The following FMN2 variants were observed in gnomAD, a reference collection of about 807,000 sequenced individuals.
FMN2 encodes the protein formin-2.
A neutral mutation model predicts 142.3 loss-of-function variants in FMN2; 51 were observed. The observed-to-expected ratio is 0.36, with a 90% confidence interval of 0.29 to 0.45. FMN2 has a LOEUF of 0.45. Ranked by LOEUF, FMN2 falls within the 20% of genes least tolerant of loss-of-function variation. FMN2 has a pLI of 1.00. For missense variants in FMN2, 1,936 were observed against 2,122.8 expected (o/e 0.91, Z 1.73); for synonymous variants, 882 against 869.8 (o/e 1.01, Z -0.25).
At chr1:240,270,867 G>C (rs1668978866) in intron 7 of FMN2, among the ~76,000 whole-genome samples, 1 of 151,782 alleles carries the variant, frequency 6.6e-6, no homozygotes. Context: ...GGGGAGACTT[G>C]GTCAGTGGGT....
intron 14 of FMN2, among the ~76,000 whole-genome samples, chr1:240,379,799 A>G (rs1055653684): frequency 6.6e-6 from 1 of 152,220 alleles, no homozygotes; most frequent in East Asian, 1.9e-4. Flanking sequence ...TAAAGGATCA[A>G]CAAAACAAAA....
chr1:240,186,146 T>C (rs1033474048), intron 3 of FMN2, among the ~76,000 whole-genome samples: 1 of 152,186 alleles, frequency 6.6e-6, no homozygotes. Context: ...TTAAAATATA[T>C]ACTCCTAGCT....
chr1:240,410,979 G>A (rs995599506), intron 15 of FMN2, among the ~76,000 whole-genome samples: 6 of 152,124 alleles, frequency 3.9e-5, no homozygotes, highest in Non-Finnish European at 7.4e-5. Context: ...TTGTGCTGAT[G>A]TATCATTATT....
intron 8 of FMN2, among the ~76,000 whole-genome samples, chr1:240,325,343 C>CAAAAAAA (rs5782134): frequency 9.4e-4 from 102 of 108,010 alleles, no homozygotes; most frequent in East Asian, 6.2e-3. Context: ...ACCCTGTCTC[C>CAAAAAAA]AAAAAAAAAA....
At chr1:240,217,821 G>A (rs897762711) in intron 6 of FMN2, among the ~76,000 whole-genome samples, 1 of 150,812 alleles carries the variant, frequency 6.6e-6, no homozygotes, top group Non-Finnish European at 1.5e-5. Flanking sequence ...AAAAAAACAC[G>A]AATACACCAG....
In FMN2 at chr1:240,092,258, A is replaced by G. The variant is rs773821285; in HGVS notation, c.149A>G (p.Lys50Arg). 1 of 912,850 alleles carries G rather than the reference A, an allele frequency of 1.1e-6. No individual in the cohort carries two copies. The highest frequency in any genetic ancestry group is 2.8e-5 in the East Asian group (1 of 35,178). The allele number at this position is 912,850 out of a possible 1,614,324, so 56.5% of individuals were successfully genotyped here. A position where few individuals can be genotyped will look rare whatever the true frequency, so the allele number is the denominator to read the frequency against. Residue 50 changes from lysine to arginine, a missense_variant, in exon 1 of 18, where the codon AAG (lysine) becomes AGG (arginine). Around this residue, in one of 8 missense-constraint regions of FMN2, gnomAD observed 751 missense variants for 791.8 expected, o/e 0.95. Transcript: ENST00000319653. ...GGKKALGKHGKGGGGGGGGGE... is the reference protein window; with the variant it reads ...GGKKALGKHGRGGGGGGGGGE... ...AAGAAGGCGCTAGGCAAGCACGGCA[A>G]GGGGGGAGGGGGCGGCGGCGGCGGC...
At chr1:240,238,195 T>C (rs1440246673) in intron 6 of FMN2, among the ~76,000 whole-genome samples, 3 of 152,178 alleles carry the variant, frequency 2.0e-5, no homozygotes, top group African/African-American at 7.2e-5. Flanking sequence ...TTGGGGAAGA[T>C]AATGGTGTTA....
chr1:240,113,408 A>G (rs771970187), intron 1 of FMN2, among the ~76,000 whole-genome samples: 2 of 151,904 alleles, frequency 1.3e-5, no homozygotes, highest in Non-Finnish European at 2.9e-5. Flanking sequence ...TACTAAAAAT[A>G]CAAAAATTGG....
At chr1:240,253,694 T>C (rs1668355709) in intron 6 of FMN2, among the ~76,000 whole-genome samples, 1 of 152,240 alleles carries the variant, frequency 6.6e-6, no homozygotes, top group African/African-American at 2.4e-5. Context: ...TACATTGATA[T>C]TTGTGCATCT....
At chr1:240,315,343 A>G (rs985770648) in intron 8 of FMN2, among the ~76,000 whole-genome samples, 22 of 152,278 alleles carry the variant, frequency 1.4e-4, no homozygotes, top group South Asian at 6.2e-4. Flanking sequence ...GATGGTTTTG[A>G]TGTATTATGT....
intron 2 of FMN2, among the ~76,000 whole-genome samples, chr1:240,174,571 G>T (rs1020765196): frequency 5.9e-5 from 9 of 152,004 alleles, no homozygotes; most frequent in Non-Finnish European, 1.3e-4. Context: ...TCACTGTGTT[G>T]CCCAGGCTGG....
intron 8 of FMN2, among the ~76,000 whole-genome samples, chr1:240,315,112 T>A (rs2102992437): frequency 6.6e-6 from 1 of 152,320 alleles, no homozygotes; most frequent in African/African-American, 2.4e-5. Flanking sequence ...TTCACTAGGC[T>A]GTCTTCAAAT....
At chr1:240,427,216 TG>T (rs1674979674) in intron 15 of FMN2, among the ~76,000 whole-genome samples, 1 of 151,170 alleles carries the variant, frequency 6.6e-6, no homozygotes, top group Non-Finnish European at 1.5e-5. Flanking sequence ...TTTTTGTTTT[TG>T]TTTTTTTGAG....
intron 13 of FMN2, among the ~76,000 whole-genome samples, chr1:240,336,241 G>A (rs1671551505): frequency 6.6e-6 from 1 of 152,140 alleles, no homozygotes; most frequent in Non-Finnish European, 1.5e-5. Flanking sequence ...CCACCTACAA[G>A]TGCTAGGTGC....
chr1:240,163,344 G>C (rs1664355167), intron 2 of FMN2, among the ~76,000 whole-genome samples: 1 of 152,124 alleles, frequency 6.6e-6, no homozygotes, highest in Non-Finnish European at 1.5e-5. Context: ...TTTTTCCTTA[G>C]AGCTCTGCCA....
intron 7 of FMN2, among the ~76,000 whole-genome samples, chr1:240,280,775 T>G (rs1176433569): frequency 6.6e-6 from 1 of 152,172 alleles, no homozygotes; most frequent in Non-Finnish European, 1.5e-5. Flanking sequence ...GTCTTTTTTC[T>G]ACCTCCCTTA....
At chr1:240,268,077 G>C (rs2102914776) in intron 7 of FMN2, among the ~76,000 whole-genome samples, 1 of 151,876 alleles carries the variant, frequency 6.6e-6, no homozygotes, top group Non-Finnish European at 1.5e-5. Flanking sequence ...AACAGTGTGG[G>C]GATTTCTGAA....
rs777323658 is a variant in FMN2 at position 240,329,421 on chromosome 1, A to G, written c.4390A>G (p.Ile1464Val). 9.9e-6 allele frequency: 16 copies of G among 1,614,060 alleles called. No homozygotes were observed. Among genetic ancestry groups the G allele is most frequent in the East Asian group, 4.5e-5 (2 of 44,876 alleles). The change falls in exon 10 of 18, where the codon ATT becomes GTT. Residue 1464 changes from isoleucine to valine, a missense_variant. Ile to Val is a conservative substitution (Grantham distance 29). Around this residue, in one of 8 missense-constraint regions of FMN2, gnomAD observed 322 missense variants for 401.6 expected, o/e 0.80. Coordinates refer to ENST00000319653, the MANE Select transcript of FMN2 (RefSeq NM_020066.5). Reference protein sequence around the residue: ...ILFQSTFSESICSIRRKLELL... With the variant: ...ILFQSTFSESVCSIRRKLELL... The stretch of plus-strand genomic sequence containing the variant: ...GTTCCAGTCCACATTTTCAGAAAGC[A>G]TTTGCTCAATTCGTCGCAAACTGGA...
At chr1:240,264,044 G>C (rs1007668202) in intron 7 of FMN2, among the ~76,000 whole-genome samples, 4 of 152,104 alleles carry the variant, frequency 2.6e-5, no homozygotes, top group Non-Finnish European at 5.9e-5. Context: ...TAAAATTGTA[G>C]TTATTTTTAT....
Sources: gnomAD v4.1 joint callset for allele counts (sites outside exome capture counted in the v4.1 genomes callset) on GRCh38, gnomAD v4.1.1 for gene constraint, gnomAD v4.1.1 regional missense constraint, MANE v1.5 for transcripts, NCBI Gene and HGNC (gene_info 2026-07-23, HGNC 2026-07-21) for gene names.